ERAP1: variants seen among roughly 807,000 people sequenced by gnomAD.
ERAP1 encodes the protein endoplasmic reticulum aminopeptidase 1.
ERAP1 carries 86 observed loss-of-function variants against 103.7 expected under a neutral mutation model. That is an observed-to-expected ratio of 0.83 (90% confidence interval 0.70 to 0.99). ERAP1 has a LOEUF of 0.99. ERAP1 is among the 50% of genes least tolerant of loss of function. The pLI, the probability that ERAP1 is intolerant of heterozygous loss-of-function variation, is 0.00. For missense variants in ERAP1, 1,009 were observed against 1,128.4 expected (o/e 0.89, Z 1.52); for synonymous variants, 398 against 402.4 (o/e 0.99, Z 0.13).
At chr5:96,874,621 C>A in the ERAP1 span, among the ~76,000 whole-genome samples, 1 of 152,334 alleles carries the variant, frequency 6.6e-6, no homozygotes, top group East Asian at 1.9e-4. Context: ...CTCTGAGGGA[C>A]CCCATTCAGT....
At chr5:96,879,780 T>C in the ERAP1 span, 1 of 1,614,178 alleles carries the variant, frequency 6.2e-7, no homozygotes, top group Non-Finnish European at 8.5e-7. Context: ...TTGCCCCAAA[T>C]ATGCATTTGT....
At chr5:96,870,183 C>T in the ERAP1 span, among the ~76,000 whole-genome samples, 1 of 152,202 alleles carries the variant, frequency 6.6e-6, no homozygotes, top group Non-Finnish European at 1.5e-5. Context: ...CAGTCTCTGA[C>T]AGCCAGGAGC....
At chr5:96,883,962 G>C in the ERAP1 span, 1 of 1,542,270 alleles carries the variant, frequency 6.5e-7, no homozygotes, top group Admixed American at 2.2e-5. Flanking sequence ...TTTAGAAATT[G>C]TTCTCAAGTT....
the ERAP1 span, among the ~76,000 whole-genome samples, chr5:96,876,937 T>C: frequency 2.6e-5 from 4 of 152,100 alleles, no homozygotes; most frequent in African/African-American, 9.7e-5. Flanking sequence ...GTCACCATCC[T>C]GTTCCTTCAT....
chr5:96,868,681 A>T, the ERAP1 span, among the ~76,000 whole-genome samples: 23,424 of 152,038 alleles, frequency 0.15, 2,283 homozygotes, highest in Middle Eastern at 0.32. Flanking sequence ...TTGTTAAAAT[A>T]CAGATTTCTA....
chr5:96,798,885 T>TTTTTTTA (rs1777665177), intron 3 of ERAP1, among the ~76,000 whole-genome samples: 1 of 150,408 alleles, frequency 6.6e-6, no homozygotes, highest in African/African-American at 2.4e-5. Context: ...TTTTTTTTTT[T>TTTTTTTA]GAGATGGAGT....
the ERAP1 span, among the ~76,000 whole-genome samples, chr5:96,861,523 A>G: frequency 7.5e-4 from 114 of 152,276 alleles, 1 homozygote; most frequent in Non-Finnish European, 1.4e-3. Context: ...GTACTTGAAG[A>G]TATTTCTGAA....
In ERAP1 at chr5:96,781,057, C is replaced by G. The variant is rs1360613677; in HGVS notation, c.2588+1G>C. On this transcript the variant is annotated splice_donor_variant, in intron 17 of 18. Transcript: ENST00000443439. LOFTEE classifies it high-confidence loss of function. Reference sequence around the variant, plus strand: ...ACAGCACAATTTTTGGCACCACTTACTTTTGTACAAGTTTGTTCCAGTTTT... The same window carrying G: ...ACAGCACAATTTTTGGCACCACTTAGTTTTGTACAAGTTTGTTCCAGTTTT... The G allele has an allele frequency of 1.2e-6, 2 of 1,614,032 alleles. No homozygotes were observed. Among genetic ancestry groups the G allele is most frequent in the South Asian group, 1.1e-5 (1 of 91,074 alleles).
chr5:96,772,394 G>A (rs1476485952), downstream of ERAP1: 2 of 151,518 alleles, frequency 1.3e-5, no homozygotes, highest in Non-Finnish European at 3.0e-5. Flanking sequence ...AGGTTAAATC[G>A]GGTTCAGCTC....
the ERAP1 span, chr5:96,912,908 T>C: frequency 2.4e-6 from 2 of 823,602 alleles, no homozygotes; most frequent in Non-Finnish European, 3.7e-6. Flanking sequence ...TGAATCAGAA[T>C]GTGTATGGCT....
At chr5:96,782,061 A>T (rs1281155299) in intron 15 of ERAP1, among the ~76,000 whole-genome samples, 1 of 146,646 alleles carries the variant, frequency 6.8e-6, no homozygotes, top group African/African-American at 2.6e-5. Context: ...CCCAGGCTGG[A>T]GTGCCGTGGC....
chr5:96,845,717 T>TACTC, the ERAP1 span, among the ~76,000 whole-genome samples: 104,985 of 151,538 alleles, frequency 0.69, 37,913 homozygotes, highest in Non-Finnish European at 0.8. Context: ...GATCTTGAGA[T>TACTC]ACTCACTCCT....
At chr5:96,804,193 C>T (rs940462162) in intron 1 of ERAP1, among the ~76,000 whole-genome samples, 1 of 152,198 alleles carries the variant, frequency 6.6e-6, no homozygotes. Context: ...TAAATTAACT[C>T]TACCTGTCAG....
At chr5:96,784,125 G>C in intron 13 of ERAP1, 45 bp from the exon 14 acceptor site, 1 of 1,602,064 alleles carries the variant, frequency 6.2e-7, no homozygotes, top group East Asian at 2.2e-5. Context: ...GTAAATCCGG[G>C]AAGTCAACTT....
chr5:96,843,974 G>A, the ERAP1 span, among the ~76,000 whole-genome samples: 1 of 152,152 alleles, frequency 6.6e-6, no homozygotes, highest in Non-Finnish European at 1.5e-5. Flanking sequence ...ATCTCCATGT[G>A]TTGATTCATG....
At chr5:96,891,188 C>T in the ERAP1 span, among the ~76,000 whole-genome samples, 1 of 152,024 alleles carries the variant, frequency 6.6e-6, no homozygotes, top group African/African-American at 2.4e-5. Flanking sequence ...TGACTTGGTT[C>T]ATTTCAAACT....
chr5:96,762,692 C>G, exon 20 of ERAP1: 1 of 305,620 alleles, frequency 3.3e-6, no homozygotes, highest in East Asian at 5.9e-5. Flanking sequence ...AGTTCTTTAG[C>G]TTTCCTGATA....
At chr5:96,835,972 C>T in the ERAP1 span, among the ~76,000 whole-genome samples, 3 of 152,136 alleles carry the variant, frequency 2.0e-5, no homozygotes, top group Non-Finnish European at 1.5e-5. Context: ...TATATGGGAC[C>T]TCCGTTTCAC....
At chr5:96,883,828 A>G in the ERAP1 span, 1 of 1,613,440 alleles carries the variant, frequency 6.2e-7, no homozygotes, top group African/African-American at 1.3e-5. Flanking sequence ...CAACCCAGGC[A>G]CGCATGGCTT....
Sources: gnomAD v4.1 joint callset for allele counts (sites outside exome capture counted in the v4.1 genomes callset) on GRCh38, gnomAD v4.1.1 for gene constraint, MANE v1.5 for transcripts, NCBI Gene and HGNC (gene_info 2026-07-23, HGNC 2026-07-21) for gene names.